Variants in USP7 observed in about 807,000 individuals in gnomAD.
The protein encoded by USP7 is ubiquitin specific peptidase 7.
Under a neutral mutation model 162.9 loss-of-function variants are expected in USP7, and 9 were observed. That is an observed-to-expected ratio of 0.06 (90% CI 0.03 to 0.10). The LOEUF (loss-of-function observed/expected upper bound fraction) is 0.10, where lower values mean the gene tolerates loss of function less well. Ranked by LOEUF, USP7 falls within the 10% of genes least tolerant of loss-of-function variation. USP7 has a pLI of 1.00. For missense variants in USP7, 715 were observed against 1,373.7 expected (o/e 0.52, Z 7.58); for synonymous variants, 562 against 475.9 (o/e 1.18, Z -2.35).
intron 5 of USP7, 24 bp from the exon 6 acceptor site, chr16:8,919,163 G>T (rs1217418412): frequency 6.2e-7 from 1 of 1,611,840 alleles, no homozygotes. Flanking sequence ...TCAAGGTTGA[G>T]GGGATCTTGC....
chr16:8,894,730 G>A (rs2061655770), intron 29 of USP7, 54 bp downstream of exon 29: 1 of 1,613,876 alleles, frequency 6.2e-7, no homozygotes, highest in Non-Finnish European at 8.5e-7. Flanking sequence ...CGCTACGCTA[G>A]GCAAGGCTTG....
chr16:8,913,770 A>G lies in USP7; in HGVS notation c.1078+1484T>C, dbSNP rs138145767. ...CTTTTTATTTTATTTTACTTTCTTG[A>G]GAGAGATACTTGCTCTGTTGCCCAG... On this transcript the variant is annotated intron_variant, in intron 10 of 30. Transcript: ENST00000344836. 1.5e-3 allele frequency among the ~76,000 whole-genome samples: 231 copies of G among 152,120 alleles called. 1 individual carries two copies. The highest frequency in any genetic ancestry group is 5.2e-3 in the African/African-American group (216 of 41,394).
At chr16:8,933,959 G>C (rs548615617) in intron 1 of USP7, among the ~76,000 whole-genome samples, 1 of 152,038 alleles carries the variant, frequency 6.6e-6, no homozygotes, top group African/African-American at 2.4e-5. Context: ...GTTTCACCAT[G>C]TTGGCCAGGC....
At chr16:8,906,334 C>T (rs573420553) in intron 13 of USP7, 92 bp downstream of exon 13, 1 of 1,445,102 alleles carries the variant, frequency 6.9e-7, no homozygotes, top group Non-Finnish European at 9.3e-7. Flanking sequence ...GGGTCCCTGA[C>T]AAGGTTCCGA....
At chr16:8,956,762 T>TAA (rs200123362) in intron 1 of USP7, among the ~76,000 whole-genome samples, 1 of 135,658 alleles carries the variant, frequency 7.4e-6, no homozygotes, top group African/African-American at 2.7e-5. Flanking sequence ...GACTTCGTAT[T>TAA]AAAAAAACAA....
chr16:8,951,746 C>CAGAT (rs1217111778), intron 1 of USP7, among the ~76,000 whole-genome samples: 20 of 152,228 alleles, frequency 1.3e-4, no homozygotes, highest in African/African-American at 4.8e-4. Context: ...TCCATACACT[C>CAGAT]AGATACATAC....
intron 17 of USP7, 45 bp downstream of exon 17, chr16:8,902,336 C>A: frequency 2.5e-6 from 4 of 1,593,438 alleles, no homozygotes; most frequent in Non-Finnish European, 3.4e-6. Context: ...AGGACTAACG[C>A]CTTCTGCACG....
chr16:8,917,811 A>G (rs1051659703), intron 6 of USP7, among the ~76,000 whole-genome samples: 2 of 151,984 alleles, frequency 1.3e-5, no homozygotes, highest in African/African-American at 4.8e-5. Context: ...TGTTTTTGAG[A>G]CGGAGTCTTG....
At chr16:8,919,375 C>T (rs992787741) in intron 5 of USP7, among the ~76,000 whole-genome samples, 1 of 152,104 alleles carries the variant, frequency 6.6e-6, no homozygotes, top group Non-Finnish European at 1.5e-5. Context: ...GACAGTGGCA[C>T]TCCTGTCACT....
In USP7 at chr16:8,963,225, C is replaced by T; in HGVS notation, c.61G>A (p.Glu21Lys). ...GCCTCACCTTCCATCTCCATGTCCT[C>T]GGGCTCGCTCAACTGCTGCTCGCCC... ...KAGEQQLSEP[E>K]DMEMEAGDTD... The change falls in exon 1 of 31, where the codon GAG becomes AAG. Residue 21 changes from glutamate to lysine, a missense_variant. By Grantham distance (56) the Glu-to-Lys change is moderately conservative (BLOSUM62 1). This residue lies in a region of USP7 where 137 missense variants were observed against 123.5 expected (regional missense o/e 1.11). Coordinates refer to ENST00000344836, the MANE Select transcript of USP7 (RefSeq NM_003470.3). The T allele has an allele frequency of 7.1e-7, 1 of 1,409,742 alleles. No homozygotes were observed. The highest frequency in any genetic ancestry group is 9.3e-7 in the Non-Finnish European group (1 of 1,072,130). 87.3% of individuals were successfully genotyped at this position (1,409,742 alleles called of 1,614,324 possible). A position where few individuals can be genotyped will look rare whatever the true frequency, so the allele number is the denominator to read the frequency against.
chr16:8,955,704 C>CAAA (rs58029349), intron 1 of USP7, among the ~76,000 whole-genome samples: 9,672 of 100,186 alleles, frequency 0.097, 1,412 homozygotes, highest in Non-Finnish European at 0.14. Flanking sequence ...GATTCCATCT[C>CAAA]AAAAAAAAAA....
intron 10 of USP7, among the ~76,000 whole-genome samples, chr16:8,913,625 C>A (rs943828200): frequency 3.0e-4 from 46 of 152,186 alleles, no homozygotes; most frequent in Admixed American, 5.2e-4. Flanking sequence ...GGTGAAAAAA[C>A]TCATCTCAGC....
At chr16:8,935,685 C>A (rs1393717721) in intron 1 of USP7, 3 of 152,204 alleles carry the variant, frequency 2.0e-5, no homozygotes, top group African/African-American at 7.2e-5. Flanking sequence ...AGAAGACAGT[C>A]TCCATTATTG....
At chr16:8,947,221 TA>T (rs1014440457) in intron 1 of USP7, among the ~76,000 whole-genome samples, 11 of 151,540 alleles carry the variant, frequency 7.3e-5, no homozygotes, top group African/African-American at 2.7e-4. Context: ...TACAAAAATG[TA>T]AAGCAATGCC....
At chr16:8,962,536 T>C (rs1187673238) in intron 1 of USP7, 1 of 445,232 alleles carries the variant, frequency 2.2e-6, no homozygotes, top group Non-Finnish European at 4.5e-6. Flanking sequence ...TTCGCACGGT[T>C]GCAAGCGCAC....
intron 2 of USP7, among the ~76,000 whole-genome samples, chr16:8,928,284 G>T (rs151331140): frequency 6.6e-6 from 1 of 152,160 alleles, no homozygotes; most frequent in East Asian, 1.9e-4. Flanking sequence ...GTGCTTCCCA[G>T]ATTGTGTGCC....
chr16:8,927,831 A>T (rs900999346), intron 2 of USP7, among the ~76,000 whole-genome samples: 1 of 152,104 alleles, frequency 6.6e-6, no homozygotes, highest in Non-Finnish European at 1.5e-5. Context: ...ACAAGAACCT[A>T]TCTCAAAATA....
At chr16:8,894,247 C>G in intron 30 of USP7, 143 bp from the exon 31 acceptor site, 1 of 780,454 alleles carries the variant, frequency 1.3e-6, no homozygotes, top group East Asian at 2.6e-5. Context: ...TACACGCCCA[C>G]CTGGAGCTAA....
intron 1 of USP7, among the ~76,000 whole-genome samples, chr16:8,941,318 G>T (rs1402606574): frequency 2.0e-5 from 3 of 152,188 alleles, no homozygotes; most frequent in Non-Finnish European, 4.4e-5. Context: ...CATTAGCTAG[G>T]ATTTCATGCA....
Sources: gnomAD v4.1 joint callset for allele counts (sites outside exome capture counted in the v4.1 genomes callset) on GRCh38, gnomAD v4.1.1 for gene constraint, gnomAD v4.1.1 regional missense constraint, MANE v1.5 for transcripts, NCBI Gene and HGNC (gene_info 2026-07-23, HGNC 2026-07-21) for gene names.